The following PTPRO variants were observed in gnomAD, a reference collection of about 807,000 sequenced individuals.
The protein encoded by PTPRO is receptor-type tyrosine-protein phosphatase O.
Under a neutral mutation model 145.2 loss-of-function variants are expected in PTPRO, and 62 were observed. The observed-to-expected ratio is 0.43, with a 90% CI of 0.35 to 0.53. The LOEUF is 0.53. Ranked by LOEUF, PTPRO falls within the 20% of genes least tolerant of loss-of-function variation. The pLI is 0.01. For missense variants in PTPRO, 1,345 were observed against 1,482.7 expected (o/e 0.91, Z 1.53); for synonymous variants, 565 against 514.7 (o/e 1.10, Z -1.32).
intron 1 of PTPRO, among the ~76,000 whole-genome samples, chr12:15,358,119 A>G (rs1204126147): frequency 1.3e-5 from 2 of 151,284 alleles, no homozygotes; most frequent in Admixed American, 6.6e-5. Flanking sequence ...CATCATTCTC[A>G]GTAAACTATC....
At chr12:15,438,315 T>A (rs1343333160) in intron 1 of PTPRO, among the ~76,000 whole-genome samples, 1 of 152,030 alleles carries the variant, frequency 6.6e-6, no homozygotes, top group Non-Finnish European at 1.5e-5. Context: ...CTGAATGTAG[T>A]GAAACCACCA....
At chr12:15,490,302 T>C (rs1254698304) in intron 2 of PTPRO, among the ~76,000 whole-genome samples, 1 of 152,150 alleles carries the variant, frequency 6.6e-6, no homozygotes, top group African/African-American at 2.4e-5. Flanking sequence ...TAGCAAACTT[T>C]TTCTATGAAG....
At chr12:15,431,998 T>C (rs1447569175) in intron 1 of PTPRO, among the ~76,000 whole-genome samples, 1 of 152,340 alleles carries the variant, frequency 6.6e-6, no homozygotes, top group South Asian at 2.1e-4. Flanking sequence ...TGTTTTTGTT[T>C]TTGCTTTTTT....
At chr12:15,344,640 T>C (rs1031950634) in intron 1 of PTPRO, among the ~76,000 whole-genome samples, 49 of 152,138 alleles carry the variant, frequency 3.2e-4, no homozygotes, top group African/African-American at 1.2e-3. Flanking sequence ...CAAAATAGTG[T>C]ATGGGAAAAA....
chr12:15,353,957 G>GCTGATCTGGGCTCACTGGTTT (rs1231392244), intron 1 of PTPRO, among the ~76,000 whole-genome samples: 1 of 152,178 alleles, frequency 6.6e-6, no homozygotes, highest in Non-Finnish European at 1.5e-5. Flanking sequence ...CTTGTCTGCA[G>GCTGATCTGGGCTCACTGGTTT]CTGATCTGGG....
At chr12:15,438,859 C>T (rs917042831) in intron 1 of PTPRO, among the ~76,000 whole-genome samples, 1 of 152,092 alleles carries the variant, frequency 6.6e-6, no homozygotes, top group African/African-American at 2.4e-5. Flanking sequence ...TCAGAGAATA[C>T]CTGTGAGATA....
chr12:15,538,524 A>G (rs1047772128), intron 12 of PTPRO, among the ~76,000 whole-genome samples: 1 of 152,020 alleles, frequency 6.6e-6, no homozygotes, highest in African/African-American at 2.4e-5. Flanking sequence ...CGCCCGGCCC[A>G]CTTTAGCACT....
At chr12:15,462,841 A>G (rs1219563981) in intron 1 of PTPRO, among the ~76,000 whole-genome samples, 2 of 152,168 alleles carry the variant, frequency 1.3e-5, no homozygotes, top group East Asian at 3.8e-4. Context: ...GCTTAATTAT[A>G]ATTACCTGAT....
At chr12:15,547,374 G>A in intron 13 of PTPRO, among the ~76,000 whole-genome samples, 1 of 152,154 alleles carries the variant, frequency 6.6e-6, no homozygotes, top group East Asian at 1.9e-4. Context: ...ACGCCACAAG[G>A]AAAAAATATT....
intron 1 of PTPRO, among the ~76,000 whole-genome samples, chr12:15,422,421 G>A (rs917795657): frequency 2.6e-5 from 4 of 152,112 alleles, no homozygotes; most frequent in African/African-American, 9.7e-5. Context: ...TGGAAAAAGA[G>A]TTATAAAAAT....
chr12:15,420,352 T>C (rs1940110437), intron 1 of PTPRO, among the ~76,000 whole-genome samples: 1 of 151,562 alleles, frequency 6.6e-6, no homozygotes, highest in Admixed American at 6.6e-5. Context: ...TGCCAGCCAC[T>C]TCATACCTAA....
At chr12:15,357,578 C>T (rs964425641) in intron 1 of PTPRO, among the ~76,000 whole-genome samples, 8 of 151,608 alleles carry the variant, frequency 5.3e-5, no homozygotes, top group Admixed American at 2.0e-4. Flanking sequence ...GGGCAAAGGA[C>T]ATGAACAGAC....
intron 1 of PTPRO, among the ~76,000 whole-genome samples, chr12:15,394,967 T>A (rs1939295827): frequency 6.6e-6 from 1 of 151,976 alleles, no homozygotes; most frequent in Admixed American, 6.6e-5. Flanking sequence ...CACTACTATT[T>A]AAAAAGGCGG....
At chr12:15,381,815 T>C (rs1373113172) in intron 1 of PTPRO, among the ~76,000 whole-genome samples, 1 of 152,186 alleles carries the variant, frequency 6.6e-6, no homozygotes, top group Admixed American at 6.5e-5. Context: ...AGTGTTTATG[T>C]TTCACCTTCA....
chr12:15,501,831 T>C lies in PTPRO; in HGVS notation c.873T>C (p.Tyr291=), dbSNP rs1219253434. The C allele has an allele frequency of 6.2e-7, 1 of 1,614,080 alleles. No homozygotes were observed. ...SGWPDFNSSD[Y]ETTSQPYWWD... is the part of the protein sequence containing the mutation. The stretch of plus-strand genomic sequence containing the variant: ...GGCCTGATTTTAATAGCAGTGACTA[T>C]GAAACTACGTCTCAGCCATATTGGT... The change falls in exon 5 of 27, where the codon TAT becomes TAC. Residue 291 remains tyrosine, a synonymous_variant. Coordinates refer to ENST00000281171, the MANE Select transcript of PTPRO (RefSeq NM_030667.3).
rs777462524 is a variant in PTPRO, at chr12:15,526,280, A to C, written c.2164+18A>C. On this transcript the variant is annotated intron_variant, in intron 12 of 26. Transcript: ENST00000281171. Reference sequence around the variant, plus strand: ...CAAGCTAGGTAAGAAGAGTGCACAGAGATGGGTGTGAAATAATCACTAATG... The same window carrying C: ...CAAGCTAGGTAAGAAGAGTGCACAGCGATGGGTGTGAAATAATCACTAATG... The C allele has an allele frequency of 1.2e-6, 2 of 1,613,120 alleles. No homozygotes were observed. The highest frequency in any genetic ancestry group is 1.7e-5 in the Admixed American group (1 of 60,000).
At chr12:15,371,568 A>G (rs1565591779) in intron 1 of PTPRO, among the ~76,000 whole-genome samples, 1 of 152,218 alleles carries the variant, frequency 6.6e-6, no homozygotes. Flanking sequence ...GATTACAATA[A>G]GATGATCAGC....
rs570011609 is a variant in PTPRO, at chr12:15,362,703, A to G, written c.75+39902A>G. ...GTAAAATATGAACCCACACATCAAA[A>G]AAAAAGATCTAATCTCCAAGTGGCT... On this transcript the variant is annotated intron_variant, in intron 1 of 26. Transcript: ENST00000281171. Among the ~76,000 whole-genome samples, 8 of 152,316 alleles carry G rather than the reference A, an allele frequency of 5.3e-5. No homozygotes were observed. In the South Asian group the frequency reaches 1.7e-3, roughly 32 times the overall value.
At chr12:15,458,479 G>A (rs1489737087) in intron 1 of PTPRO, among the ~76,000 whole-genome samples, 1 of 151,594 alleles carries the variant, frequency 6.6e-6, no homozygotes, top group Non-Finnish European at 1.5e-5. Context: ...GCATATATAG[G>A]CCACTTGATG....
Sources: gnomAD v4.1 joint callset for allele counts (sites outside exome capture counted in the v4.1 genomes callset) on GRCh38, gnomAD v4.1.1 for gene constraint, MANE v1.5 for transcripts, NCBI Gene and HGNC (gene_info 2026-07-23, HGNC 2026-07-21) for gene names.